FAM227B: variants seen among roughly 807,000 people sequenced by gnomAD.
FAM227B encodes the protein family with sequence similarity 227 member B.
In FAM227B, 88 loss-of-function variants were observed where a neutral mutation model predicts 73.8. That is an observed-to-expected ratio of 1.19 (90% CI 1.00 to 1.42). The LOEUF (loss-of-function observed/expected upper bound fraction) is 1.42. Ranked by LOEUF, FAM227B falls within the 40% of genes most tolerant of loss-of-function variation. FAM227B has a pLI of 0.00. For synonymous variants in FAM227B, 210 were observed against 190.5 expected (o/e 1.10, Z -0.84); for missense variants, 632 against 590.9 (o/e 1.07, Z -0.72).
chr15:49,565,194 C>T (rs952490208), intron 9 of FAM227B, among the ~76,000 whole-genome samples: 18 of 151,722 alleles, frequency 1.2e-4, no homozygotes, highest in African/African-American at 3.9e-4. Context: ...ACAGTGTGGC[C>T]AATATGGTGA....
At chr15:49,353,431 G>A (rs1432359747) in intron 13 of FAM227B, 3 of 152,084 alleles carry the variant, frequency 2.0e-5, no homozygotes, top group Non-Finnish European at 1.5e-5. Flanking sequence ...TTTTGGCAGA[G>A]GAAGTCTTTT....
chr15:49,349,334 C>T (rs1010260941), intron 13 of FAM227B, among the ~76,000 whole-genome samples: 1 of 151,954 alleles, frequency 6.6e-6, no homozygotes, highest in African/African-American at 2.4e-5. Context: ...ACTCATCCTC[C>T]CCCTCTTAAC....
In FAM227B at chr15:49,328,343, C is replaced by T; in HGVS notation, c.*225G>A. 1 of 1,428,996 alleles carries T rather than the reference C, an allele frequency of 7.0e-7. No homozygotes were observed. Among genetic ancestry groups the T allele is most frequent in the Non-Finnish European group, 9.1e-7 (1 of 1,095,418 alleles). The allele number at this position is 1,428,996 out of a possible 1,614,324, so 88.5% of individuals were successfully genotyped here. A position where few individuals can be genotyped will look rare whatever the true frequency, so the allele number is the denominator to read the frequency against. ...TGCTTCATAATGATTCTTTTTCCAT[C>T]TTAAAATATGGTTTTACTATTAAGA... On this transcript the variant is annotated 3_prime_UTR_variant, in exon 16 of 16. Coordinates refer to ENST00000299338, the MANE Select transcript of FAM227B (RefSeq NM_152647.3).
intron 3 of FAM227B, among the ~76,000 whole-genome samples, chr15:49,601,159 A>G (rs758812437): frequency 1.3e-5 from 2 of 149,790 alleles, no homozygotes; most frequent in South Asian, 2.1e-4. Context: ...GGCAAAAACC[A>G]CAATTACTGT....
intron 13 of FAM227B, chr15:49,366,558 T>C (rs942535868): frequency 1.3e-6 from 2 of 1,592,946 alleles, no homozygotes; most frequent in Non-Finnish European, 1.7e-6. Flanking sequence ...TTATAAAGCA[T>C]GCAGTAGTCC....
chr15:49,620,644 T>C (rs1208891725), intron 1 of FAM227B, 56 bp downstream of exon 1: 2 of 152,234 alleles, frequency 1.3e-5, no homozygotes, highest in Non-Finnish European at 2.9e-5. Context: ...CAAAATATCT[T>C]TGAGGTGGGC....
At chr15:49,369,101 G>A (rs2045604906) in intron 12 of FAM227B, among the ~76,000 whole-genome samples, 1 of 151,388 alleles carries the variant, frequency 6.6e-6, no homozygotes, top group South Asian at 2.1e-4. Flanking sequence ...TGGGACTACA[G>A]GCGTCCACCA....
intron 2 of FAM227B, among the ~76,000 whole-genome samples, chr15:49,613,674 T>C (rs2078101822): frequency 6.6e-6 from 1 of 152,146 alleles, no homozygotes. Flanking sequence ...AAATGATGGA[T>C]ACCCCACTTA....
intron 11 of FAM227B, among the ~76,000 whole-genome samples, chr15:49,452,815 A>G (rs1257428167): frequency 6.6e-6 from 1 of 152,184 alleles, no homozygotes; most frequent in African/African-American, 2.4e-5. Context: ...AGGGTGCAGG[A>G]TAATATAAGC....
At position 49,417,629 on chromosome 15, in the gene FAM227B, T is replaced by C. The variant is rs79743024; in HGVS notation, c.1013-46230A>G. 9.9e-3 allele frequency among the ~76,000 whole-genome samples: 1,501 copies of C among 152,278 alleles called. 27 individuals are homozygous for C. The highest frequency in any genetic ancestry group is 0.017 in the East Asian group (89 of 5,184). ...AACTGGCTAGTCATATGAAGCAGACTGAAGCTGGACCCCTTCCTTGCACCA... is the reference window on the plus strand; with the variant it reads ...AACTGGCTAGTCATATGAAGCAGACCGAAGCTGGACCCCTTCCTTGCACCA... On this transcript the variant is annotated intron_variant, in intron 11 of 15. Transcript: ENST00000299338.
intron 13 of FAM227B, among the ~76,000 whole-genome samples, chr15:49,364,746 T>C (rs2044831225): frequency 6.6e-6 from 1 of 152,170 alleles, no homozygotes; most frequent in Admixed American, 6.5e-5. Context: ...TGCATAATTA[T>C]TTACAGTAAA....
intron 13 of FAM227B, chr15:49,366,518 A>G (rs1596597189): frequency 6.9e-6 from 10 of 1,440,986 alleles, no homozygotes; most frequent in Non-Finnish European, 8.8e-6. Flanking sequence ...TGCATTTTCT[A>G]GGGTACTTGG....
rs752628963 is a variant in FAM227B, at chr15:49,508,227, T to C, written c.996A>G (p.Gln332=). ...TTTACTTACTAGTTGATATATGTTCTTGACTGTCTGCAATTCTTTCCTTTA... is the reference window on the plus strand; with the variant it reads ...TTTACTTACTAGTTGATATATGTTCCTGACTGTCTGCAATTCTTTCCTTTA... ...KSVKERIADS[Q]EHISTSIDFN... Residue 332 remains glutamine (Q), a synonymous_variant, in exon 11 of 16, where the codon CAA becomes CAG. Coordinates refer to ENST00000299338, the MANE Select transcript of FAM227B (RefSeq NM_152647.3). 1 of 1,610,590 alleles carries C rather than the reference T, an allele frequency of 6.2e-7. No individual in the cohort carries two copies. The highest frequency in any genetic ancestry group is 2.2e-5 in the East Asian group (1 of 44,586).
chr15:49,394,231 A>G (rs1011766294), intron 11 of FAM227B, among the ~76,000 whole-genome samples: 5 of 152,186 alleles, frequency 3.3e-5, no homozygotes, highest in Non-Finnish European at 7.4e-5. Context: ...GAGTAAATGA[A>G]GATATATTTG....
intron 11 of FAM227B, among the ~76,000 whole-genome samples, chr15:49,414,992 T>G (rs1233246659): frequency 6.6e-6 from 1 of 152,156 alleles, no homozygotes; most frequent in East Asian, 1.9e-4. Context: ...TACTTGGCTT[T>G]TCATGGATGT....
chr15:49,329,804 T>C (rs2038257688), intron 15 of FAM227B: 1 of 889,002 alleles, frequency 1.1e-6, no homozygotes, highest in South Asian at 5.3e-5. Context: ...CCTGGATCAG[T>C]GTAAAAAAAA....
At chr15:49,365,797 C>T in intron 13 of FAM227B, 1 of 860,598 alleles carries the variant, frequency 1.2e-6, no homozygotes, top group East Asian at 2.4e-5. Context: ...TATTGCTATG[C>T]ACAGTCCAGA....
intron 12 of FAM227B, 158 bp from the exon 13 acceptor site, chr15:49,367,766 A>C (rs1249619112): frequency 1.5e-6 from 1 of 651,938 alleles, no homozygotes; most frequent in Non-Finnish European, 2.4e-6. Context: ...GAATTTACCA[A>C]AGTATGAGTC....
chr15:49,525,793 T>TA (rs35196009), intron 10 of FAM227B, among the ~76,000 whole-genome samples: 41,294 of 132,444 alleles, frequency 0.31, 7,115 homozygotes, highest in African/African-American at 0.43. Context: ...ACAACAATGG[T>TA]AAAAAAAAAG....
Sources: gnomAD v4.1 joint callset for allele counts (sites outside exome capture counted in the v4.1 genomes callset) on GRCh38, gnomAD v4.1.1 for gene constraint, MANE v1.5 for transcripts, NCBI Gene and HGNC (gene_info 2026-07-23, HGNC 2026-07-21) for gene names.